Variants in SLC44A3 observed in about 807,000 individuals in gnomAD.
SLC44A3 encodes solute carrier family 44 member 3, also known as choline transporter-like protein 3.
SLC44A3 carries 74 observed loss-of-function variants against 75.4 expected under a neutral mutation model. The observed-to-expected ratio is 0.98, with a 90% CI of 0.81 to 1.19. The LOEUF (loss-of-function observed/expected upper bound fraction) is 1.19, where lower values mean the gene tolerates loss of function less well. SLC44A3 is among the 50% of genes most tolerant of loss of function. The pLI is 0.00. For synonymous variants in SLC44A3, 310 were observed against 296.9 expected, an observed-to-expected ratio of 1.04 and a Z score of -0.45; for missense variants, 700 against 778.6, an observed-to-expected ratio of 0.90 and a Z score of 1.20.
chr1:94,837,602 T>C (rs1662989031), intron 5 of SLC44A3, 109 bp from the exon 6 acceptor site: 10 of 1,120,144 alleles, frequency 8.9e-6, no homozygotes, highest in Non-Finnish European at 1.2e-5. Context: ...GACGCCTCTC[T>C]ATTACTGTAG....
At chr1:94,834,219 AAATGG>A (rs1222936147) in intron 5 of SLC44A3, among the ~76,000 whole-genome samples, 4 of 144,938 alleles carry the variant, frequency 2.8e-5, no homozygotes, top group African/African-American at 1.0e-4. Context: ...TTCTTTGGAG[AAATGG>A]CAGGTTCTAG....
intron 14 of SLC44A3, 119 bp from the exon 15 acceptor site, chr1:94,894,699 T>C: frequency 1.3e-6 from 1 of 757,048 alleles, no homozygotes; most frequent in South Asian, 1.9e-5. Context: ...TAATCTGCCT[T>C]TTGTAAGTTA....
Position 94,839,384 on chromosome 1 carries a change from TC to T in SLC44A3, c.671-563del, listed in dbSNP as rs372054186. Among the ~76,000 whole-genome samples the T allele has an allele frequency of 1.1e-3, 171 of 152,182 alleles. 1 individual carries two copies. Among genetic ancestry groups the T allele is most frequent in the African/African-American group, 3.9e-3 (160 of 41,526 alleles). ...AATAATATTGCTATAAAATTTTTTT[TC>T]TTTCTTTCTTTTTTTTTATTGAGAC... On this transcript the variant is annotated intron_variant, in intron 6 of 14. Coordinates refer to ENST00000271227, the MANE Select transcript of SLC44A3 (RefSeq NM_001114106.3).
chr1:94,891,406 A>G (rs1344476122), intron 13 of SLC44A3, 139 bp downstream of exon 13: 6 of 903,148 alleles, frequency 6.6e-6, no homozygotes, highest in Non-Finnish European at 6.6e-6. Context: ...TTAATCCTCA[A>G]TCCCATGAGG....
chr1:94,873,195 C>A (rs997951362), intron 12 of SLC44A3, among the ~76,000 whole-genome samples: 1 of 152,214 alleles, frequency 6.6e-6, no homozygotes, highest in Non-Finnish European at 1.5e-5. Context: ...GGCTATCATG[C>A]AAGATAGCTG....
In SLC44A3 at chr1:94,857,478, G is replaced by GT. The variant is rs1666026968; in HGVS notation, c.1217dup (p.Val407GlyfsTer9). ...CCAGCAAATGACTATAGCTGGGGCA[G>GT]TGGTTACTTGTTATTTCAACAGGTA... On this transcript the variant is annotated frameshift_variant, in exon 10 of 15. Coordinates refer to ENST00000271227, the MANE Select transcript of SLC44A3 (RefSeq NM_001114106.3). LOFTEE classifies it high-confidence loss of function. 1 of 1,612,020 alleles carries GT rather than the reference G, an allele frequency of 6.2e-7. No individual in the cohort carries two copies. The highest frequency in any genetic ancestry group is 8.5e-7 in the Non-Finnish European group (1 of 1,179,472).
In SLC44A3 at chr1:94,826,480, G is replaced by A. The variant is rs530474856; in HGVS notation, c.279-1027G>A. Among the ~76,000 whole-genome samples, 4 of 152,168 alleles carry A rather than the reference G, an allele frequency of 2.6e-5. No individual in the cohort carries two copies. The South Asian group carries it at 8.3e-4, about 32-fold the overall frequency. ...AGCCTGGCCAACATGGTGAAACCCTGTCTCTACTAGAAATACAAAAATTAG... is the reference window on the plus strand; with the variant it reads ...AGCCTGGCCAACATGGTGAAACCCTATCTCTACTAGAAATACAAAAATTAG... On this transcript the variant is annotated intron_variant, in intron 3 of 14. Transcript: ENST00000271227.
chr1:94,864,972 G>A, intron 11 of SLC44A3, 73 bp downstream of exon 11: 1 of 1,527,816 alleles, frequency 6.5e-7, no homozygotes, highest in Non-Finnish European at 8.9e-7. Flanking sequence ...GAAAACTACA[G>A]CAGGTCCCAG....
In SLC44A3 at chr1:94,833,424, G is replaced by A. The variant is rs1402396743; in HGVS notation, c.510-4287G>A. Among the ~76,000 whole-genome samples, 6 of 152,278 alleles carry A rather than the reference G, an allele frequency of 3.9e-5. No homozygotes were observed. The South Asian group carries it at 1.0e-3, about 26-fold the overall frequency. ...CATTAATTAGCTACCTCAGAGAGCA[G>A]CCACCTCCAGCTCCTTCTGCCAAGG... On this transcript the variant is annotated intron_variant, in intron 5 of 14. Coordinates refer to ENST00000271227, the MANE Select transcript of SLC44A3 (RefSeq NM_001114106.3).
chr1:94,836,660 A>G (rs542076021), intron 5 of SLC44A3: 2 of 152,268 alleles, frequency 1.3e-5, no homozygotes, highest in East Asian at 3.9e-4. Context: ...TCATGCCTGT[A>G]ATCCCAATAC....
chr1:94,845,434 G>T lies in SLC44A3; in HGVS notation c.1042G>T (p.Val348Leu). The change falls in exon 9 of 15, where the codon GTG (valine) becomes TTG (leucine). Residue 348 changes from valine to leucine, a missense_variant. By Grantham distance (32) the Val-to-Leu change is conservative (BLOSUM62 1). Coordinates refer to ENST00000271227, the MANE Select transcript of SLC44A3 (RefSeq NM_001114106.3). ...AILIFFWVLW[V>L]AVLLSLGTAG... ...CCTCATTTTCTTCTGGGTCCTCTGG[G>T]TGGCTGTGCTGCTGAGCCTGGGAAC... 1 of 1,613,248 alleles carries T rather than the reference G, an allele frequency of 6.2e-7. No homozygotes were observed.
chr1:94,893,612 G>A (rs1670458472), intron 14 of SLC44A3, among the ~76,000 whole-genome samples: 2 of 152,022 alleles, frequency 1.3e-5, no homozygotes, highest in South Asian at 2.1e-4. Flanking sequence ...CTGACCTCAG[G>A]TGATCCATCT....
At chr1:94,841,973 G>T in intron 7 of SLC44A3, 27 bp from the exon 8 acceptor site, 2 of 1,595,200 alleles carry the variant, frequency 1.3e-6, no homozygotes, top group South Asian at 1.1e-5. Context: ...CGTGTGCCCT[G>T]AGCTCTGCTA....
chr1:94,839,392 T>A (rs1027270809), intron 6 of SLC44A3, among the ~76,000 whole-genome samples: 11 of 152,122 alleles, frequency 7.2e-5, no homozygotes, highest in African/African-American at 2.7e-4. Context: ...TTTCTTTCTT[T>A]CTTTTTTTTT....
intron 5 of SLC44A3, chr1:94,836,913 C>CAAAAAAAAAAAAAAAAAAAAA (rs56149444): frequency 8.0e-6 from 1 of 124,308 alleles, no homozygotes. Flanking sequence ...CCTGTCTCAA[C>CAAAAAAAAAAAAAAAAAAAAA]AAAAAAAAAA....
intron 13 of SLC44A3, 83 bp from the exon 14 acceptor site, chr1:94,892,198 A>G: frequency 8.0e-7 from 1 of 1,252,816 alleles, no homozygotes; most frequent in Non-Finnish European, 1.1e-6. Context: ...ACAGGAACGT[A>G]TATTAAACCA....
chr1:94,824,286 C>A (rs146953167), intron 2 of SLC44A3, among the ~76,000 whole-genome samples: 7 of 152,338 alleles, frequency 4.6e-5, no homozygotes, highest in Non-Finnish European at 8.8e-5. Context: ...GGATTAGATT[C>A]TCTCTCTACC....
At chr1:94,875,841 C>A (rs893335001) in intron 12 of SLC44A3, among the ~76,000 whole-genome samples, 1 of 152,142 alleles carries the variant, frequency 6.6e-6, no homozygotes, top group Non-Finnish European at 1.5e-5. Flanking sequence ...TGAAGCAAAC[C>A]CTTTATGTTC....
intron 9 of SLC44A3, among the ~76,000 whole-genome samples, chr1:94,856,774 A>C (rs1255525358): frequency 6.6e-6 from 1 of 152,070 alleles, no homozygotes. Flanking sequence ...TCTGTCACCC[A>C]GGCTGGAGTG....
Sources: allele counts gnomAD v4.1 joint callset (sites outside exome capture counted in the v4.1 genomes callset), GRCh38; gene constraint gnomAD v4.1.1; transcripts MANE v1.5; gene names NCBI Gene and HGNC (gene_info 2026-07-23, HGNC 2026-07-21).